The following GLI3 variants were observed in gnomAD, a reference collection of about 807,000 sequenced individuals.
GLI3 encodes GLI family zinc finger 3.
GLI3 carries 20 observed loss-of-function variants against 100.8 expected under a neutral mutation model. The ratio of observed to expected loss-of-function variants is 0.20; its 90% CI spans 0.14 to 0.29. GLI3 has a LOEUF of 0.29. Among genes scored for constraint, GLI3 ranks in the 10% least tolerant of loss-of-function variants. The pLI, the probability that GLI3 is intolerant of heterozygous loss-of-function variation, is 1.00. For missense variants in GLI3, 2,040 were observed against 2,128.5 expected, an observed-to-expected ratio of 0.96 and a Z score of 0.82; for synonymous variants, 938 against 860.5, an observed-to-expected ratio of 1.09 and a Z score of -1.58.
intron 3 of GLI3, chr7:42,118,260 C>T (rs1227139399): frequency 7.5e-6 from 3 of 398,542 alleles, no homozygotes; most frequent in South Asian, 1.3e-4. Context: ...CGGATGGCAG[C>T]GTTGAGTTCA....
intron 1 of GLI3, among the ~76,000 whole-genome samples, chr7:42,260,737 C>A (rs1583679704): frequency 1.3e-5 from 2 of 152,238 alleles, no homozygotes; most frequent in African/African-American, 4.8e-5. Context: ...TGGCTTGCAT[C>A]TGAGTGAAAT....
chr7:42,166,531 A>G (rs1583615097), intron 2 of GLI3, among the ~76,000 whole-genome samples: 1 of 151,964 alleles, frequency 6.6e-6, no homozygotes, highest in South Asian at 2.1e-4. Flanking sequence ...GCCCCAAGAA[A>G]CAAGATGCCA....
chr7:42,120,909 T>C (rs746867225), intron 3 of GLI3, among the ~76,000 whole-genome samples: 1 of 152,196 alleles, frequency 6.6e-6, no homozygotes, highest in African/African-American at 2.4e-5. Context: ...CAAACCTGAG[T>C]GCTAAATAGG....
intron 4 of GLI3, among the ~76,000 whole-genome samples, chr7:42,054,654 T>C (rs1158861374): frequency 2.6e-5 from 4 of 152,136 alleles, no homozygotes; most frequent in Non-Finnish European, 5.9e-5. Flanking sequence ...AATTATTCAA[T>C]AAATACCATT....
intron 2 of GLI3, among the ~76,000 whole-genome samples, chr7:42,209,808 G>C (rs1562787189): frequency 6.9e-6 from 1 of 144,728 alleles, no homozygotes; most frequent in African/African-American, 2.5e-5. Flanking sequence ...TAATCACTGA[G>C]AGGTTCTCTC....
At chr7:42,148,203 T>G (rs1562757905) in intron 3 of GLI3, 23 bp downstream of exon 3, 1 of 1,540,108 alleles carries the variant, frequency 6.5e-7, no homozygotes. Flanking sequence ...CCTGAACAAG[T>G]GCCGACTGGC....
chr7:42,240,340 A>G (rs1183660678), upstream of GLI3, among the ~76,000 whole-genome samples: 1 of 152,206 alleles, frequency 6.6e-6, no homozygotes, highest in East Asian at 1.9e-4. Flanking sequence ...AGATACTTGA[A>G]GATACTTGCA....
intron 3 of GLI3, among the ~76,000 whole-genome samples, chr7:42,105,273 G>T (rs1296259857): frequency 6.6e-6 from 1 of 152,070 alleles, no homozygotes; most frequent in Non-Finnish European, 1.5e-5. Context: ...GGTACTAAAT[G>T]GCTGCTTCTT....
intron 6 of GLI3, among the ~76,000 whole-genome samples, chr7:42,044,279 A>T (rs1207277770): frequency 2.0e-5 from 3 of 152,358 alleles, no homozygotes; most frequent in East Asian, 3.9e-4. Context: ...GGCCCTACTC[A>T]AAGTCATACT....
chr7:42,237,529 C>T (rs1002991977), upstream of GLI3, among the ~76,000 whole-genome samples: 1 of 151,848 alleles, frequency 6.6e-6, no homozygotes, highest in Admixed American at 6.5e-5. Context: ...CGGCTCCGCG[C>T]TCCCCTCCCG....
chr7:42,202,551 A>G (rs945160870), intron 2 of GLI3, among the ~76,000 whole-genome samples: 4 of 152,194 alleles, frequency 2.6e-5, no homozygotes, highest in African/African-American at 9.7e-5. Context: ...AGCATCACTA[A>G]GAACGAAGGC....
chr7:42,204,788 TC>T (rs1788116135), intron 2 of GLI3, among the ~76,000 whole-genome samples: 1 of 152,144 alleles, frequency 6.6e-6, no homozygotes, highest in Admixed American at 6.6e-5. Context: ...GACAGAATTC[TC>T]CTGGACCAGG....
chr7:42,091,251 G>A (rs846306), intron 3 of GLI3, among the ~76,000 whole-genome samples: 40,106 of 152,128 alleles, frequency 0.26, 5,680 homozygotes, highest in Admixed American at 0.37. Context: ...CCTTGCCAAC[G>A]ACAAAAGCTA....
intron 2 of GLI3, among the ~76,000 whole-genome samples, chr7:42,168,320 G>A (rs1787285508): frequency 6.6e-6 from 1 of 152,148 alleles, no homozygotes; most frequent in African/African-American, 2.4e-5. Context: ...TAGGGGAGAG[G>A]AGAGAATAAA....
At chr7:42,038,360 T>A (rs897396367) in intron 7 of GLI3, among the ~76,000 whole-genome samples, 1 of 152,076 alleles carries the variant, frequency 6.6e-6, no homozygotes, top group Non-Finnish European at 1.5e-5. Context: ...CAGGTAGGAA[T>A]CTCATCCTGC....
chr7:42,244,421 G>A (rs1236305351), intron 1 of GLI3, among the ~76,000 whole-genome samples: 1 of 152,182 alleles, frequency 6.6e-6, no homozygotes, highest in East Asian at 1.9e-4. Context: ...TTCAGAGACA[G>A]GCATGCCAAC....
chr7:42,121,326 T>C (rs969735484), intron 3 of GLI3, among the ~76,000 whole-genome samples: 1 of 152,204 alleles, frequency 6.6e-6, no homozygotes, highest in African/African-American at 2.4e-5. Flanking sequence ...AGAAGTGCCA[T>C]TTCTAACAAG....
At chr7:42,005,405 A>G (rs1422792152) in intron 10 of GLI3, among the ~76,000 whole-genome samples, 1 of 151,084 alleles carries the variant, frequency 6.6e-6, no homozygotes, top group Non-Finnish European at 1.5e-5. Flanking sequence ...AGATGGATGG[A>G]TGTGGTGCAA....
intron 10 of GLI3, among the ~76,000 whole-genome samples, chr7:41,991,302 G>A (rs1349743586): frequency 6.6e-6 from 1 of 152,108 alleles, no homozygotes; most frequent in Admixed American, 6.5e-5. Flanking sequence ...CCATTGCCCA[G>A]GGCTTTTCCA....
Sources: allele counts gnomAD v4.1 joint callset (sites outside exome capture counted in the v4.1 genomes callset), GRCh38; gene constraint gnomAD v4.1.1; transcripts MANE v1.5; gene names NCBI Gene and HGNC (gene_info 2026-07-23, HGNC 2026-07-21).